The following DIAPH3 variants were observed in gnomAD, a reference collection of about 807,000 sequenced individuals.
DIAPH3 encodes the protein protein diaphanous homolog 3.
DIAPH3 carries 117 observed loss-of-function variants against 144.3 expected under a neutral mutation model. The ratio of observed to expected loss-of-function variants is 0.81; its 90% CI spans 0.70 to 0.95. DIAPH3 has a LOEUF of 0.95. Ranked by LOEUF, DIAPH3 falls within the 40% of genes least tolerant of loss-of-function variation. The pLI is 0.00. For missense variants in DIAPH3, 1,421 were observed against 1,412.7 expected (o/e 1.01, Z -0.09); for synonymous variants, 519 against 488.9 (o/e 1.06, Z -0.81).
intron 27 of DIAPH3, among the ~76,000 whole-genome samples, chr13:59,750,115 T>G (rs374390417): frequency 7.8e-4 from 119 of 152,300 alleles, no homozygotes; most frequent in African/African-American, 2.7e-3. Context: ...AAAGCAATAG[T>G]GAGAAATAGC....
chr13:59,969,375 A>G (rs1032975038), intron 17 of DIAPH3, among the ~76,000 whole-genome samples: 4 of 152,170 alleles, frequency 2.6e-5, no homozygotes, highest in African/African-American at 9.7e-5. Flanking sequence ...AAATTATGTG[A>G]TAGTCACTGT....
chr13:59,790,807 T>G (rs953057200), intron 25 of DIAPH3, among the ~76,000 whole-genome samples: 1 of 151,982 alleles, frequency 6.6e-6, no homozygotes, highest in African/African-American at 2.4e-5. Context: ...TCATTAACAA[T>G]TGTAAAAAAA....
At chr13:59,692,057 C>T (rs2033551594) in intron 27 of DIAPH3, among the ~76,000 whole-genome samples, 1 of 141,642 alleles carries the variant, frequency 7.1e-6, no homozygotes, top group Admixed American at 7.3e-5. Flanking sequence ...ATTCTCTGTT[C>T]TATGGTTTTG....
chr13:59,902,117 G>T (rs1461197162), intron 20 of DIAPH3, among the ~76,000 whole-genome samples: 2 of 152,062 alleles, frequency 1.3e-5, no homozygotes, highest in Non-Finnish European at 2.9e-5. Context: ...ACATTATTTT[G>T]ACTGTTAAAC....
intron 4 of DIAPH3, among the ~76,000 whole-genome samples, chr13:60,083,820 C>T (rs1327711061): frequency 6.6e-6 from 1 of 151,982 alleles, no homozygotes; most frequent in East Asian, 1.9e-4. Flanking sequence ...TGGAGGATCA[C>T]TTGAGCCCAG....
intron 24 of DIAPH3, 179 bp downstream of exon 24, chr13:59,832,928 G>A: frequency 1.6e-6 from 1 of 615,120 alleles, no homozygotes; most frequent in Non-Finnish European, 2.9e-6. Flanking sequence ...ATGTTGGAAA[G>A]GCCAAAAGGA....
At chr13:60,013,317 C>A (rs542662146) in intron 7 of DIAPH3, 39 of 633,438 alleles carry the variant, frequency 6.2e-5, no homozygotes, top group Non-Finnish European at 7.5e-5. Context: ...TCGTGTAGGA[C>A]GCCCAACATC....
At chr13:60,102,814 T>C (rs770240105) in intron 3 of DIAPH3, among the ~76,000 whole-genome samples, 13 of 152,032 alleles carry the variant, frequency 8.6e-5, no homozygotes, top group Admixed American at 1.3e-4. Context: ...ATGAATGGGG[T>C]CAAGGTCCCT....
chr13:59,717,937 A>G (rs2035142577), intron 27 of DIAPH3, among the ~76,000 whole-genome samples: 1 of 152,222 alleles, frequency 6.6e-6, no homozygotes, highest in Non-Finnish European at 1.5e-5. Flanking sequence ...TACTGAACTT[A>G]TTTCTAATCA....
chr13:59,806,641 T>G (rs1338788690), intron 25 of DIAPH3, among the ~76,000 whole-genome samples: 2 of 151,956 alleles, frequency 1.3e-5, no homozygotes, highest in African/African-American at 4.8e-5. Flanking sequence ...TTTGGTTATT[T>G]GAAGCACTCA....
At chr13:60,150,557 A>G (rs1484446026) in intron 1 of DIAPH3, among the ~76,000 whole-genome samples, 2 of 152,154 alleles carry the variant, frequency 1.3e-5, no homozygotes, top group Non-Finnish European at 2.9e-5. Flanking sequence ...GTACTGTGTG[A>G]GGGATAAGTG....
At chr13:60,142,310 C>G (rs2059441368) in intron 1 of DIAPH3, among the ~76,000 whole-genome samples, 1 of 152,094 alleles carries the variant, frequency 6.6e-6, no homozygotes, top group Non-Finnish European at 1.5e-5. Flanking sequence ...CTTAGTTATG[C>G]TTCCAGGAGT....
chr13:60,120,307 G>A (rs1454970395), intron 2 of DIAPH3, among the ~76,000 whole-genome samples: 1 of 152,158 alleles, frequency 6.6e-6, no homozygotes, highest in East Asian at 1.9e-4. Context: ...CAATCTTTCA[G>A]GTATGATAAG....
chr13:59,933,193 G>C (rs1288776512), intron 17 of DIAPH3, among the ~76,000 whole-genome samples: 1 of 152,222 alleles, frequency 6.6e-6, no homozygotes, highest in Non-Finnish European at 1.5e-5. Context: ...AGGAAGGGCA[G>C]GGTCCTCTGT....
intron 17 of DIAPH3, 127 bp from the exon 18 acceptor site, chr13:59,924,997 A>G: frequency 1.4e-6 from 2 of 1,430,966 alleles, no homozygotes; most frequent in Non-Finnish European, 1.8e-6. Flanking sequence ...AGTTATAAAA[A>G]CAAATAAAAC....
intron 27 of DIAPH3, among the ~76,000 whole-genome samples, chr13:59,689,703 G>A (rs909361080): frequency 1.3e-5 from 2 of 151,882 alleles, no homozygotes; most frequent in South Asian, 4.1e-4. Context: ...ATTGGTTTTA[G>A]GGTGGAAAGA....
At chr13:59,842,676 T>C (rs1302969474) in intron 22 of DIAPH3, among the ~76,000 whole-genome samples, 1 of 152,162 alleles carries the variant, frequency 6.6e-6, no homozygotes, top group Non-Finnish European at 1.5e-5. Context: ...GCTATAAATC[T>C]GGGGATTCCC....
At chr13:60,095,163 G>A (rs757624047) in intron 3 of DIAPH3, among the ~76,000 whole-genome samples, 2 of 152,118 alleles carry the variant, frequency 1.3e-5, no homozygotes, top group Non-Finnish European at 2.9e-5. Context: ...AAGAGAGAGA[G>A]AAAGAATCAT....
chr13:59,797,228 C>T (rs2039658628), intron 25 of DIAPH3, among the ~76,000 whole-genome samples: 1 of 152,140 alleles, frequency 6.6e-6, no homozygotes, highest in Non-Finnish European at 1.5e-5. Context: ...ACTTCTAATG[C>T]TGTTTATTTA....
Sources: gnomAD v4.1 joint callset for allele counts (sites outside exome capture counted in the v4.1 genomes callset) on GRCh38, gnomAD v4.1.1 for gene constraint, MANE v1.5 for transcripts, NCBI Gene and HGNC (gene_info 2026-07-23, HGNC 2026-07-21) for gene names.